CNTNAP5: variants seen among roughly 807,000 people sequenced by gnomAD.
CNTNAP5 encodes contactin-associated protein-like 5.
A neutral mutation model predicts 150.2 loss-of-function variants in CNTNAP5; 72 were observed. The observed-to-expected ratio is 0.48, with a 90% CI of 0.40 to 0.58. The LOEUF is 0.58. CNTNAP5 is among the 20% of genes least tolerant of loss of function. The probability of loss-of-function intolerance (pLI) is 0.00; values close to 1 mark genes in which losing one functional copy is unlikely to be tolerated. For synonymous variants in CNTNAP5, 672 were observed against 619.8 expected, an observed-to-expected ratio of 1.08 and a Z score of -1.25; for missense variants, 1,636 against 1,626.2, an observed-to-expected ratio of 1.01 and a Z score of -0.10.
At chr2:124,802,536 G>A (rs946569213) in intron 19 of CNTNAP5, among the ~76,000 whole-genome samples, 24 of 152,290 alleles carry the variant, frequency 1.6e-4, no homozygotes, top group African/African-American at 5.3e-4. Context: ...GGCAGTTTTA[G>A]TTCTATAACC....
chr2:124,419,147 A>AAAAAAAAAAAAAAAAAC (rs1692011930), intron 4 of CNTNAP5, among the ~76,000 whole-genome samples: 2 of 135,754 alleles, frequency 1.5e-5, no homozygotes, highest in Non-Finnish European at 3.1e-5. Context: ...TCTCAAAAAA[A>AAAAAAAAAAAAAAAAAC]AAAAAAAAAA....
At chr2:124,758,126 A>C (rs947950856) in intron 14 of CNTNAP5, among the ~76,000 whole-genome samples, 4 of 152,168 alleles carry the variant, frequency 2.6e-5, no homozygotes, top group African/African-American at 9.6e-5. Flanking sequence ...TCTCAAAATA[A>C]AACTGAGTCC....
At chr2:124,517,255 G>C (rs1209234078) in intron 8 of CNTNAP5, among the ~76,000 whole-genome samples, 5 of 151,064 alleles carry the variant, frequency 3.3e-5, no homozygotes, top group Non-Finnish European at 5.9e-5. Flanking sequence ...TGTAATGTTG[G>C]TGATGAGGTG....
At chr2:124,460,393 T>C (rs527863229) in intron 6 of CNTNAP5, among the ~76,000 whole-genome samples, 7 of 152,316 alleles carry the variant, frequency 4.6e-5, no homozygotes, top group African/African-American at 1.7e-4. Context: ...CTTATATTTG[T>C]TTTAAAGTTG....
At chr2:124,207,649 C>T (rs1008634329) in intron 1 of CNTNAP5, among the ~76,000 whole-genome samples, 4 of 152,146 alleles carry the variant, frequency 2.6e-5, no homozygotes, top group South Asian at 2.1e-4. Flanking sequence ...AGCAATGAAA[C>T]GAAATTTTCC....
At chr2:124,233,679 T>C (rs1268911790) in intron 2 of CNTNAP5, among the ~76,000 whole-genome samples, 1 of 151,922 alleles carries the variant, frequency 6.6e-6, no homozygotes, top group Non-Finnish European at 1.5e-5. Flanking sequence ...CTCCTCTCCT[T>C]CTCTCTTTCC....
At chr2:124,857,159 C>T (rs1677392254) in intron 19 of CNTNAP5, among the ~76,000 whole-genome samples, 1 of 152,194 alleles carries the variant, frequency 6.6e-6, no homozygotes. Flanking sequence ...CAGTGAGCCT[C>T]CCCATAAGTA....
At chr2:124,446,638 A>C in intron 5 of CNTNAP5, 115 bp from the exon 6 acceptor site, 2 of 957,908 alleles carry the variant, frequency 2.1e-6, no homozygotes, top group Non-Finnish European at 3.1e-6. Context: ...GCCTGTAGGG[A>C]GACATCATTC....
At chr2:124,190,539 G>A (rs916606104) in intron 1 of CNTNAP5, among the ~76,000 whole-genome samples, 1 of 151,854 alleles carries the variant, frequency 6.6e-6, no homozygotes, top group African/African-American at 2.4e-5. Context: ...ACCACTTCCT[G>A]GTATTTCAAT....
intron 21 of CNTNAP5, among the ~76,000 whole-genome samples, chr2:124,893,161 A>G (rs1678234318): frequency 6.6e-6 from 1 of 152,148 alleles, no homozygotes; most frequent in South Asian, 2.1e-4. Context: ...CTGGGTTCAC[A>G]GAGGCTGGGT....
chr2:124,744,993 C>T (rs913560430), intron 13 of CNTNAP5, among the ~76,000 whole-genome samples: 2 of 152,132 alleles, frequency 1.3e-5, no homozygotes, highest in African/African-American at 4.8e-5. Flanking sequence ...TTGGTTAAAA[C>T]GTGTTTCAAC....
intron 21 of CNTNAP5, among the ~76,000 whole-genome samples, chr2:124,872,323 C>T (rs1677765858): frequency 1.3e-5 from 2 of 151,344 alleles, no homozygotes; most frequent in Admixed American, 1.3e-4. Flanking sequence ...GGGTCCCAGT[C>T]TGTTACTAGC....
rs116593755 is a variant in CNTNAP5, at chr2:124,374,757, A to G, written c.382-42686A>G. 2.2e-3 allele frequency among the ~76,000 whole-genome samples: 331 copies of G among 152,170 alleles called. 1 individual carries two copies. The highest frequency in any genetic ancestry group is 7.7e-3 in the African/African-American group (320 of 41,548). ...TTCTAAACAGCATTCTCCAATGCAC[A>G]CAACCAGGGATTCTTGGAGAAGTGA... On this transcript the variant is annotated intron_variant, in intron 3 of 23. Transcript: ENST00000682447.
At chr2:124,140,009 A>G (rs1385430051) in intron 1 of CNTNAP5, among the ~76,000 whole-genome samples, 2 of 152,236 alleles carry the variant, frequency 1.3e-5, no homozygotes, top group East Asian at 3.9e-4. Context: ...TCCCTTTCCG[A>G]GTCAAAGAAA....
chr2:124,773,099 A>T, intron 17 of CNTNAP5, 82 bp downstream of exon 17: 1 of 997,458 alleles, frequency 1.0e-6, no homozygotes, highest in Non-Finnish European at 1.6e-6. Context: ...ATTCTCTTTT[A>T]TCTGAGATCT....
intron 19 of CNTNAP5, among the ~76,000 whole-genome samples, chr2:124,843,022 G>T (rs887020425): frequency 1.3e-5 from 2 of 151,864 alleles, no homozygotes; most frequent in African/African-American, 4.8e-5. Flanking sequence ...ATTGTACATG[G>T]TACCCAATAT....
At chr2:124,608,414 C>T (rs981670078) in intron 11 of CNTNAP5, among the ~76,000 whole-genome samples, 1 of 152,136 alleles carries the variant, frequency 6.6e-6, no homozygotes, top group African/African-American at 2.4e-5. Flanking sequence ...AGCTCCCTAT[C>T]TCAGGACACC....
intron 3 of CNTNAP5, among the ~76,000 whole-genome samples, chr2:124,388,453 A>C (rs76849475): frequency 0.05 from 7,554 of 152,208 alleles, 226 homozygotes; most frequent in Non-Finnish European, 0.069. Context: ...GCCTTCCCAT[A>C]TTTAGCAAAA....
chr2:124,058,747 C>A (rs1215058247), intron 1 of CNTNAP5, among the ~76,000 whole-genome samples: 1 of 152,158 alleles, frequency 6.6e-6, no homozygotes, highest in East Asian at 1.9e-4. Flanking sequence ...ATCATGATGT[C>A]TACCAGTTGT....
Sources: allele counts gnomAD v4.1 joint callset (sites outside exome capture counted in the v4.1 genomes callset), GRCh38; gene constraint gnomAD v4.1.1; transcripts MANE v1.5; gene names NCBI Gene and HGNC (gene_info 2026-07-23, HGNC 2026-07-21).